Variants in SUFU observed in about 807,000 individuals in gnomAD.
The protein encoded by SUFU is suppressor of fused homolog.
In SUFU, 7 loss-of-function variants were observed where a neutral mutation model predicts 58.9. The ratio of observed to expected loss-of-function variants is 0.12; its 90% CI spans 0.07 to 0.22. The LOEUF (loss-of-function observed/expected upper bound fraction) is 0.22, where lower values mean the gene tolerates loss of function less well. SUFU is among the 10% of genes least tolerant of loss of function. SUFU has a pLI of 1.00. For missense variants in SUFU, 451 were observed against 641.3 expected, an observed-to-expected ratio of 0.70 and a Z score of 3.20; for synonymous variants, 232 against 254.8, an observed-to-expected ratio of 0.91 and a Z score of 0.85.
chr10:102,597,359 GTC>G, intron 7 of SUFU, 66 bp downstream of exon 7: 2 of 1,576,084 alleles, frequency 1.3e-6, no homozygotes, highest in Non-Finnish European at 1.7e-6. Flanking sequence ...CTGGTTTCCA[GTC>G]TCTCTAGGAT....
intron 2 of SUFU, among the ~76,000 whole-genome samples, chr10:102,538,735 A>C (rs552463516): frequency 1.3e-5 from 2 of 152,280 alleles, no homozygotes; most frequent in African/African-American, 4.8e-5. Flanking sequence ...ATCACCACCC[A>C]AAGTTCATAG....
At chr10:102,522,554 T>C (rs975873716) in intron 2 of SUFU, among the ~76,000 whole-genome samples, 1 of 152,196 alleles carries the variant, frequency 6.6e-6, no homozygotes, top group African/African-American at 2.4e-5. Flanking sequence ...CACAAATGCC[T>C]AGAGCTCCTT....
Position 102,632,923 on chromosome 10 carries a change from G to A in SUFU, c.*2768G>A, listed in dbSNP as rs2063849855. On this transcript the variant is annotated 3_prime_UTR_variant, in exon 12 of 12. Transcript: ENST00000369902. ...GAGGCTTGTGCGAGGTCTCAGGCCT[G>A]TGTGGGGAGCTGGTGCCTCTTCCTG... 1.3e-5 allele frequency: 3 copies of A among 233,554 alleles called. No homozygotes were observed. The highest frequency in any genetic ancestry group is 6.6e-5 in the African/African-American group (3 of 45,370). 14.5% of individuals were successfully genotyped at this position (233,554 alleles called of 1,614,324 possible).
intron 3 of SUFU, among the ~76,000 whole-genome samples, chr10:102,567,856 T>G (rs921333986): frequency 4.6e-5 from 7 of 151,936 alleles, no homozygotes; most frequent in African/African-American, 1.7e-4. Flanking sequence ...TAGCCCAATA[T>G]CCCCTAGCCC....
In SUFU at chr10:102,615,411, G is replaced by T; in HGVS notation, c.1157+9G>T. On this transcript the variant is annotated intron_variant, in intron 9 of 11. Coordinates refer to ENST00000369902, the MANE Select transcript of SUFU (RefSeq NM_016169.4). ...ATTCCTCTCTGCCTAAGGTGAGCGA[G>T]ACAGCCCTGCCACACAGTTTACCCC... 1.2e-6 allele frequency: 2 copies of T among 1,613,954 alleles called. No individual in the cohort carries two copies. Among genetic ancestry groups the T allele is most frequent in the Non-Finnish European group, 1.7e-6 (2 of 1,179,904 alleles).
chr10:102,620,030 G>A (rs2063726949), intron 10 of SUFU, among the ~76,000 whole-genome samples: 1 of 152,210 alleles, frequency 6.6e-6, no homozygotes, highest in African/African-American at 2.4e-5. Flanking sequence ...CTTGGGCCTT[G>A]TGTGCCCAGG....
chr10:102,549,423 G>A (rs2062888043), intron 2 of SUFU, among the ~76,000 whole-genome samples: 1 of 152,178 alleles, frequency 6.6e-6, no homozygotes, highest in South Asian at 2.1e-4. Context: ...ACACTGTGGA[G>A]GAAACCACCC....
At chr10:102,624,458 C>T (rs372319635) in intron 10 of SUFU, among the ~76,000 whole-genome samples, 18 of 152,232 alleles carry the variant, frequency 1.2e-4, no homozygotes, top group African/African-American at 3.4e-4. Context: ...GACAGTCTGT[C>T]GTGTTTCTTT....
At chr10:102,569,915 A>G (rs1312438808) in intron 3 of SUFU, among the ~76,000 whole-genome samples, 1 of 152,244 alleles carries the variant, frequency 6.6e-6, no homozygotes, top group African/African-American at 2.4e-5. Flanking sequence ...TTTGAAGACG[A>G]AAAGACTTTG....
intron 1 of SUFU, among the ~76,000 whole-genome samples, chr10:102,508,263 C>A (rs563283714): frequency 2.0e-5 from 3 of 152,148 alleles, no homozygotes; most frequent in South Asian, 2.1e-4. Flanking sequence ...TGTGAGCCAC[C>A]GTGCCCGGCC....
At chr10:102,605,864 A>G (rs2063558122) in intron 8 of SUFU, among the ~76,000 whole-genome samples, 1 of 152,164 alleles carries the variant, frequency 6.6e-6, no homozygotes, top group African/African-American at 2.4e-5. Context: ...GCCAAGCTTG[A>G]TGCCCTGGTT....
intron 2 of SUFU, among the ~76,000 whole-genome samples, chr10:102,515,711 TG>T (rs2062460675): frequency 6.6e-6 from 1 of 152,170 alleles, no homozygotes; most frequent in African/African-American, 2.4e-5. Context: ...GTTGGACCTT[TG>T]CCCTCCTCCT....
intron 2 of SUFU, among the ~76,000 whole-genome samples, chr10:102,524,025 T>G (rs1022828704): frequency 6.6e-6 from 1 of 152,202 alleles, no homozygotes; most frequent in Admixed American, 6.6e-5. Context: ...TGCAGATAGC[T>G]TCATACCTTA....
chr10:102,540,720 AT>A (rs1255417975), intron 2 of SUFU, among the ~76,000 whole-genome samples: 3 of 63,822 alleles, frequency 4.7e-5, no homozygotes, highest in African/African-American at 2.0e-4. Flanking sequence ...CCTTTAAAAT[AT>A]ATATATATAT....
intron 2 of SUFU, among the ~76,000 whole-genome samples, chr10:102,528,726 G>GA (rs1462400845): frequency 3.9e-5 from 6 of 152,168 alleles, no homozygotes; most frequent in Admixed American, 2.0e-4. Context: ...CACTGTTTTT[G>GA]AACTTGAGGA....
At chr10:102,541,584 A>T (rs1345204266) in intron 2 of SUFU, among the ~76,000 whole-genome samples, 1 of 150,634 alleles carries the variant, frequency 6.6e-6, no homozygotes, top group Non-Finnish European at 1.5e-5. Context: ...TTTTTAGTAG[A>T]GACGAGGTTT....
intron 2 of SUFU, among the ~76,000 whole-genome samples, chr10:102,524,059 C>T (rs1180596306): frequency 1.3e-5 from 2 of 152,166 alleles, no homozygotes; most frequent in Non-Finnish European, 2.9e-5. Flanking sequence ...GACCCTTTCG[C>T]AAATAACTTC....
In SUFU at chr10:102,629,476, C is replaced by T. The variant is rs374011002; in HGVS notation, c.1366-590C>T. Among the ~76,000 whole-genome samples the T allele has an allele frequency of 6.6e-6, 1 of 152,172 alleles. No homozygotes were observed. The highest frequency in any genetic ancestry group is 2.4e-5 in the African/African-American group (1 of 41,432). On this transcript the variant is annotated intron_variant, in intron 11 of 11. Coordinates refer to ENST00000369902, the MANE Select transcript of SUFU (RefSeq NM_016169.4). The surrounding 1 kb of genome is among the most constrained non-coding windows in gnomAD (Gnocchi z 4.7). ...ACAGGGAGCAGGGTGGGGATTGGCC[C>T]CTCTCAGGCCCAAGGGATCACCTCA...
At chr10:102,608,805 CCT>C (rs2063589759) in intron 8 of SUFU, among the ~76,000 whole-genome samples, 1 of 152,156 alleles carries the variant, frequency 6.6e-6, no homozygotes, top group Admixed American at 6.5e-5. Context: ...GTACATTTTC[CCT>C]CTGTCCTCCT....
Sources: gnomAD v4.1 joint callset for allele counts (sites outside exome capture counted in the v4.1 genomes callset) on GRCh38, gnomAD v4.1.1 for gene constraint, Gnocchi (gnomAD v3.1) non-coding constraint, MANE v1.5 for transcripts, NCBI Gene and HGNC (gene_info 2026-07-23, HGNC 2026-07-21) for gene names.